The following ANTXR2 variants were observed in gnomAD, a reference collection of about 807,000 sequenced individuals.
ANTXR2 encodes the protein anthrax toxin receptor 2.
In ANTXR2, 44 loss-of-function variants were observed where a neutral mutation model predicts 73.7. That is an observed-to-expected ratio of 0.60 (90% CI 0.47 to 0.77). The LOEUF is 0.77. Ranked by LOEUF, ANTXR2 falls within the 30% of genes least tolerant of loss-of-function variation. The pLI is 0.00. For missense variants in ANTXR2, 604 were observed against 592.5 expected (o/e 1.02, Z -0.20); for synonymous variants, 217 against 205.9 (o/e 1.05, Z -0.46).
chr4:79,960,664 C>T (rs1729107784), intron 16 of ANTXR2, among the ~76,000 whole-genome samples: 1 of 151,668 alleles, frequency 6.6e-6, no homozygotes, highest in East Asian at 1.9e-4. Context: ...ATGTTATTTG[C>T]AAAGTTTGAA....
intron 16 of ANTXR2, among the ~76,000 whole-genome samples, chr4:79,954,172 G>T (rs1415746228): frequency 1.3e-5 from 2 of 152,028 alleles, no homozygotes; most frequent in Admixed American, 1.3e-4. Flanking sequence ...CTATATAGTT[G>T]TTGTTTGTTT....
intron 16 of ANTXR2, among the ~76,000 whole-genome samples, chr4:79,959,650 T>C (rs1729071308): frequency 6.6e-6 from 1 of 152,236 alleles, no homozygotes; most frequent in East Asian, 1.9e-4. Context: ...CTAGTGGGCC[T>C]CAGTTTAGAT....
intron 16 of ANTXR2, among the ~76,000 whole-genome samples, chr4:79,921,022 A>C (rs79385282): frequency 6.6e-6 from 1 of 152,270 alleles, no homozygotes; most frequent in East Asian, 1.9e-4. Flanking sequence ...TTACATCACT[A>C]TCAGGTGGGA....
At chr4:80,001,589 A>C (rs575422889) in intron 12 of ANTXR2, among the ~76,000 whole-genome samples, 1 of 150,904 alleles carries the variant, frequency 6.6e-6, no homozygotes, top group Admixed American at 6.6e-5. Flanking sequence ...GCTGAGTTCA[A>C]TTCCTGGGTA....
At chr4:80,047,626 A>C (rs765278383) in intron 7 of ANTXR2, among the ~76,000 whole-genome samples, 2 of 151,750 alleles carry the variant, frequency 1.3e-5, no homozygotes, top group Non-Finnish European at 2.9e-5. Flanking sequence ...CGAATCAATT[A>C]GAGTTCTTAT....
At chr4:79,982,055 C>T (rs1729914810) in intron 14 of ANTXR2, among the ~76,000 whole-genome samples, 2 of 152,074 alleles carry the variant, frequency 1.3e-5, no homozygotes, top group South Asian at 4.1e-4. Context: ...CATTTCCTTT[C>T]CTTTAAAAAG....
intron 12 of ANTXR2, among the ~76,000 whole-genome samples, chr4:80,005,918 C>T (rs1042271436): frequency 6.6e-6 from 1 of 152,114 alleles, no homozygotes; most frequent in South Asian, 2.1e-4. Flanking sequence ...ATAGGAGGTC[C>T]TCCCCTATGG....
intron 16 of ANTXR2, among the ~76,000 whole-genome samples, chr4:79,917,229 G>A (rs1223234001): frequency 1.3e-5 from 2 of 152,038 alleles, no homozygotes; most frequent in East Asian, 3.9e-4. Flanking sequence ...AGAGGGTAGA[G>A]AAATATTTCC....
At chr4:80,042,042 C>A (rs997748755) in intron 7 of ANTXR2, among the ~76,000 whole-genome samples, 2 of 152,002 alleles carry the variant, frequency 1.3e-5, no homozygotes, top group Non-Finnish European at 2.9e-5. Flanking sequence ...TATAAGATAG[C>A]CAAATACTTA....
At chr4:80,010,611 C>G (rs1731524535) in intron 11 of ANTXR2, among the ~76,000 whole-genome samples, 1 of 152,118 alleles carries the variant, frequency 6.6e-6, no homozygotes, top group Non-Finnish European at 1.5e-5. Context: ...CATGAAACTG[C>G]TAAAAATTTA....
chr4:80,063,205 A>C (rs1331913275), intron 3 of ANTXR2, among the ~76,000 whole-genome samples: 4 of 152,216 alleles, frequency 2.6e-5, no homozygotes, highest in Non-Finnish European at 5.9e-5. Context: ...ACTCTTATTA[A>C]CTGGCCCAGG....
chr4:79,977,433 T>C lies in ANTXR2; in HGVS notation c.1428+188A>G, dbSNP rs1560927964. 5 of 1,178,140 alleles carry C rather than the reference T, an allele frequency of 4.2e-6. No homozygotes were observed. In the South Asian group the frequency reaches 9.6e-5, roughly 23 times the overall value. 73.0% of individuals were successfully genotyped at this position (1,178,140 alleles called of 1,614,324 possible). ...TTGAAAAGGGAATGGTGTAAAAATGTAGTTTGAAGATGCATTCTAACAATA... is the reference window on the plus strand; with the variant it reads ...TTGAAAAGGGAATGGTGTAAAAATGCAGTTTGAAGATGCATTCTAACAATA... On this transcript the variant is annotated intron_variant, in intron 16 of 16. Coordinates refer to ENST00000403729, the MANE Select transcript of ANTXR2 (RefSeq NM_058172.6).
chr4:79,983,589 T>C (rs910868283), intron 14 of ANTXR2, among the ~76,000 whole-genome samples: 2 of 152,188 alleles, frequency 1.3e-5, no homozygotes, highest in Non-Finnish European at 2.9e-5. Context: ...TGACGTTCTA[T>C]GCGGTAATTT....
At chr4:79,977,870 T>A in intron 15 of ANTXR2, 137 bp downstream of exon 15, 1 of 1,226,878 alleles carries the variant, frequency 8.2e-7, no homozygotes, top group Non-Finnish European at 1.1e-6. Flanking sequence ...CAAGAAAGTA[T>A]TCAGCTGTTA....
chr4:79,907,301 C>A lies in ANTXR2; in HGVS notation c.*128G>T, dbSNP rs1186291203. ...AAGCAGAAGGCAGAGAAAACATTTC[C>A]CGACTGAGAGGAATTAAGCTGCTCT... is the stretch of plus-strand genomic sequence containing the variant. On this transcript the variant is annotated 3_prime_UTR_variant, in exon 17 of 17. Coordinates refer to ENST00000403729, the MANE Select transcript of ANTXR2 (RefSeq NM_058172.6). 4.0e-6 allele frequency: 4 copies of A among 1,007,708 alleles called. No individual in the cohort carries two copies. The highest frequency in any genetic ancestry group is 6.1e-6 in the Non-Finnish European group (4 of 657,880). The allele number at this position is 1,007,708 out of a possible 1,614,324, so 62.4% of individuals were successfully genotyped here. A position where few individuals can be genotyped will look rare whatever the true frequency, so the allele number is the denominator to read the frequency against.
At chr4:79,921,529 G>A (rs1405682714) in intron 16 of ANTXR2, among the ~76,000 whole-genome samples, 1 of 152,032 alleles carries the variant, frequency 6.6e-6, no homozygotes, top group African/African-American at 2.4e-5. Flanking sequence ...TACAATTTGA[G>A]ACTAACTGAT....
chr4:80,051,212 T>C lies in ANTXR2; in HGVS notation c.636+3060A>G, dbSNP rs150850061. On this transcript the variant is annotated intron_variant, in intron 7 of 16. Coordinates refer to ENST00000403729, the MANE Select transcript of ANTXR2 (RefSeq NM_058172.6). ...ATATTGGCATTTAACACCAATTGCG[T>C]TATAAGATTATTTCTTATCCCCTAA... Among the ~76,000 whole-genome samples, 271 of 151,898 alleles carry C rather than the reference T, an allele frequency of 1.8e-3. 1 individual carries two copies. Among genetic ancestry groups the C allele is most frequent in the African/African-American group, 6.2e-3 (256 of 41,518 alleles).
At chr4:79,984,724 T>C (rs1001848376) in intron 13 of ANTXR2, 95 bp downstream of exon 13, 7 of 1,058,922 alleles carry the variant, frequency 6.6e-6, no homozygotes, top group Admixed American at 6.0e-5. Context: ...ATAGGTATCA[T>C]AGTTATCTAA....
At chr4:79,967,190 C>A (rs1222611874) in intron 16 of ANTXR2, among the ~76,000 whole-genome samples, 1 of 64,038 alleles carries the variant, frequency 1.6e-5, no homozygotes, top group Non-Finnish European at 3.5e-5. Flanking sequence ...CACTCCCACC[C>A]GAATATTGCG....
Sources: gnomAD v4.1 joint callset for allele counts (sites outside exome capture counted in the v4.1 genomes callset) on GRCh38, gnomAD v4.1.1 for gene constraint, MANE v1.5 for transcripts, NCBI Gene and HGNC (gene_info 2026-07-23, HGNC 2026-07-21) for gene names.